The following ACAT2 variants were observed in gnomAD, a reference collection of about 807,000 sequenced individuals.
ACAT2 encodes acetyl-CoA acetyltransferase, cytosolic.
A neutral mutation model predicts 37.1 loss-of-function variants in ACAT2; 26 were observed. The observed-to-expected ratio is 0.70, with a 90% CI of 0.51 to 0.97. The LOEUF (loss-of-function observed/expected upper bound fraction) is 0.97, where lower values mean the gene tolerates loss of function less well. Ranked by LOEUF, ACAT2 falls within the 50% of genes least tolerant of loss-of-function variation. The probability of loss-of-function intolerance (pLI) is 0.00; values close to 1 mark genes in which losing one functional copy is unlikely to be tolerated. For synonymous variants in ACAT2, 156 were observed against 163.6 expected (o/e 0.95, Z 0.35); for missense variants, 468 against 489.0 (o/e 0.96, Z 0.40).
chr6:159,776,485 G>T (rs1418490590), intron 6 of ACAT2, among the ~76,000 whole-genome samples: 2 of 152,130 alleles, frequency 1.3e-5, no homozygotes, highest in Admixed American at 1.3e-4. Flanking sequence ...CTCCCAAGTA[G>T]CTGGGGGACT....
rs754902942 is a variant in ACAT2 at position 159,762,070 on chromosome 6, G to C, written c.-18G>C. 6 of 1,612,388 alleles carry C rather than the reference G, an allele frequency of 3.7e-6. No individual in the cohort carries two copies. Among genetic ancestry groups the C allele is most frequent in the Non-Finnish European group, 5.1e-6 (6 of 1,179,250 alleles). ...AGCTTGCAGGCAGCGCAGGGCAGAC[G>C]GCGGCAGGAGAAGCAAGATGAATGC... is the stretch of plus-strand genomic sequence containing the variant. On this transcript the variant is annotated 5_prime_UTR_variant, in exon 1 of 9. Coordinates refer to ENST00000367048, the MANE Select transcript of ACAT2 (RefSeq NM_005891.3).
At chr6:159,772,759 T>G (rs938324350) in intron 4 of ACAT2, among the ~76,000 whole-genome samples, 1 of 151,902 alleles carries the variant, frequency 6.6e-6, no homozygotes, top group African/African-American at 2.4e-5. Context: ...ATTTTGCCTG[T>G]TAGTAGCTGC....
At chr6:159,771,699 G>A (rs932480301) in intron 4 of ACAT2, among the ~76,000 whole-genome samples, 1 of 150,876 alleles carries the variant, frequency 6.6e-6, no homozygotes, top group African/African-American at 2.4e-5. Context: ...TTTAGATGAA[G>A]GAAAATGAAT....
intron 4 of ACAT2, among the ~76,000 whole-genome samples, chr6:159,773,250 A>G (rs1160216701): frequency 6.6e-6 from 1 of 152,218 alleles, no homozygotes; most frequent in Non-Finnish European, 1.5e-5. Context: ...AAAATGCAGT[A>G]TGAACTCAAG....
At chr6:159,778,149 T>A (rs982077665) in intron 7 of ACAT2, 21 bp from the exon 8 acceptor site, 26 of 1,556,780 alleles carry the variant, frequency 1.7e-5, no homozygotes, top group Non-Finnish European at 2.2e-5. Context: ...TAGACCTCTT[T>A]TCTATGAATC....
intron 4 of ACAT2, among the ~76,000 whole-genome samples, chr6:159,772,079 G>T (rs1456832464): frequency 1.3e-5 from 2 of 152,138 alleles, no homozygotes; most frequent in Non-Finnish European, 2.9e-5. Context: ...CAAAAAATTA[G>T]CCAGGTGTTG....
At position 159,768,624 on chromosome 6, in the gene ACAT2, T is replaced by C; in HGVS notation, c.486T>C (p.Ile162=). 6.3e-7 allele frequency: 1 copy of C among 1,596,482 alleles called. No homozygotes were observed. Among genetic ancestry groups the C allele is most frequent in the Non-Finnish European group, 8.6e-7 (1 of 1,164,056 alleles). The change falls in exon 4 of 9, where the codon ATT becomes ATC. Residue 162 remains isoleucine (I), a synonymous_variant. Coordinates refer to ENST00000367048, the MANE Select transcript of ACAT2 (RefSeq NM_005891.3). ...CATTTCACAACTGTCATATGGGTAT[T>C]ACAGGTAAGGCAGACATGGCTGAAA... ...TDAFHNCHMG[I]TAENVAKKWQ...
intron 4 of ACAT2, among the ~76,000 whole-genome samples, chr6:159,773,439 C>G (rs967008163): frequency 6.6e-6 from 1 of 152,098 alleles, no homozygotes. Context: ...TGGCCCTTTC[C>G]AAGGCTAGGG....
intron 2 of ACAT2, 38 bp from the exon 3 acceptor site, chr6:159,766,964 TCTC>T (rs748445686): frequency 6.2e-7 from 1 of 1,608,232 alleles, no homozygotes; most frequent in Non-Finnish European, 8.5e-7. Flanking sequence ...ATTTTGTCTT[TCTC>T]CTTGATTGCT....
Position 159,775,274 on chromosome 6 carries a change from G to C in ACAT2, c.595G>C (p.Asp199His), listed in dbSNP as rs1327388997. Residue 199 changes from aspartate to histidine, a missense_variant, in exon 5 of 9, where the codon GAC (aspartate) becomes CAC (histidine). Physicochemically the swap from Asp to His is moderately conservative, Grantham distance 81 (BLOSUM62 -1). Coordinates refer to ENST00000367048, the MANE Select transcript of ACAT2 (RefSeq NM_005891.3). The part of the protein sequence containing the change: ...TENAQKAGHF[D>H]KEIVPVLVST... ...GAATGCACAGAAAGCTGGCCATTTT[G>C]ACAAAGAGATTGTACCAGTTTTGGT... 16 of 1,614,042 alleles carry C rather than the reference G, an allele frequency of 9.9e-6. No individual in the cohort carries two copies. Among genetic ancestry groups the C allele is most frequent in the African/African-American group, 1.3e-5 (1 of 74,934 alleles).
chr6:159,772,419 C>T (rs1411223294), intron 4 of ACAT2, among the ~76,000 whole-genome samples: 1 of 152,070 alleles, frequency 6.6e-6, no homozygotes, highest in East Asian at 1.9e-4. Flanking sequence ...CAGAAATAGA[C>T]CCAGACTTAT....
At chr6:159,775,978 T>G in intron 5 of ACAT2, 172 bp from the exon 6 acceptor site, 4 of 654,622 alleles carry the variant, frequency 6.1e-6, no homozygotes, top group Non-Finnish European at 1.0e-5. Context: ...ATTGTTTTCA[T>G]GTACAATAAT....
intron 8 of ACAT2, 112 bp from the exon 9 acceptor site, chr6:159,778,547 T>C: frequency 8.2e-7 from 1 of 1,216,774 alleles, no homozygotes; most frequent in Non-Finnish European, 1.1e-6. Flanking sequence ...AAAATGAAAA[T>C]TTGAGTTTGA....
rs1403560855 is a variant in ACAT2, at chr6:159,778,676, G to A, written c.1041G>A (p.Gly347=). Residue 347 remains glycine (G), a synonymous_variant, in exon 9 of 9, where the codon GGG becomes GGA. Transcript: ENST00000367048. The part of the protein sequence containing the change: ...LNPEKVNIEG[G]AIALGHPLGA... ...CCCGTTAGGTCAATATTGAAGGAGGGGCTATAGCCTTGGGCCACCCTCTTG... is the reference window on the plus strand; with the variant it reads ...CCCGTTAGGTCAATATTGAAGGAGGAGCTATAGCCTTGGGCCACCCTCTTG... The A allele has an allele frequency of 2.5e-6, 4 of 1,614,060 alleles. No homozygotes were observed. The highest frequency in any genetic ancestry group is 2.7e-5 in the African/African-American group (2 of 74,986).
chr6:159,777,292 T>C lies in ACAT2; in HGVS notation c.758-10T>C, dbSNP rs1451371024. 1.2e-6 allele frequency: 2 copies of C among 1,608,968 alleles called. No individual in the cohort carries two copies. Among genetic ancestry groups the C allele is most frequent in the Non-Finnish European group, 8.5e-7 (1 of 1,178,132 alleles). ...AGCATGGTAGAAATTAAGTCACTCATATTTTACAGGAATAAATGATGGTGC... is the reference window on the plus strand; with the variant it reads ...AGCATGGTAGAAATTAAGTCACTCACATTTTACAGGAATAAATGATGGTGC... On this transcript the variant is annotated splice_polypyrimidine_tract_variant and intron_variant, in intron 6 of 8. Coordinates refer to ENST00000367048, the MANE Select transcript of ACAT2 (RefSeq NM_005891.3).
At chr6:159,777,217 T>C in intron 6 of ACAT2, 85 bp from the exon 7 acceptor site, 2 of 1,424,928 alleles carry the variant, frequency 1.4e-6, no homozygotes, top group Non-Finnish European at 1.9e-6. Context: ...ATCATTTAAC[T>C]CATGTCTTCA....
At chr6:159,777,482 T>G (rs765164700) in intron 7 of ACAT2, 26 bp downstream of exon 7, 1 of 1,597,098 alleles carries the variant, frequency 6.3e-7, no homozygotes, top group Middle Eastern at 1.8e-4. Context: ...TTCCCTTTTA[T>G]GAAATTTGTC....
At chr6:159,776,949 G>A (rs1050419192) in intron 6 of ACAT2, among the ~76,000 whole-genome samples, 4 of 152,016 alleles carry the variant, frequency 2.6e-5, no homozygotes, top group South Asian at 2.1e-4. Flanking sequence ...CCACCACACC[G>A]GCTGATTTTT....
At chr6:159,772,248 G>A (rs571918085) in intron 4 of ACAT2, among the ~76,000 whole-genome samples, 53 of 152,148 alleles carry the variant, frequency 3.5e-4, no homozygotes, top group East Asian at 5.8e-4. Context: ...AATAAATAGT[G>A]TAAATAAATA....
Sources: gnomAD v4.1 joint callset for allele counts (sites outside exome capture counted in the v4.1 genomes callset) on GRCh38, gnomAD v4.1.1 for gene constraint, MANE v1.5 for transcripts, NCBI Gene and HGNC (gene_info 2026-07-23, HGNC 2026-07-21) for gene names.